SOX6: variants seen among roughly 807,000 people sequenced by gnomAD.
SOX6 encodes the protein transcription factor SOX-6.
SOX6 carries 11 observed loss-of-function variants against 97.8 expected under a neutral mutation model. That is an observed-to-expected ratio of 0.11 (90% CI 0.07 to 0.19). The LOEUF is 0.19. Among genes scored for constraint, SOX6 ranks in the 10% least tolerant of loss-of-function variants. The pLI is 1.00. For missense variants in SOX6, 810 were observed against 1,039.5 expected (o/e 0.78, Z 3.04); for synonymous variants, 360 against 371.4 (o/e 0.97, Z 0.35).
chr11:16,082,961 T>C (rs1287311672), intron 9 of SOX6, among the ~76,000 whole-genome samples: 4 of 152,196 alleles, frequency 2.6e-5, no homozygotes, highest in Admixed American at 6.5e-5. Context: ...GTGCTGTCTA[T>C]TGCTTCTACA....
At chr11:16,688,884 A>C (rs1847989645) in intron 3 of SOX6, among the ~76,000 whole-genome samples, 1 of 152,204 alleles carries the variant, frequency 6.6e-6, no homozygotes, top group East Asian at 1.9e-4. Flanking sequence ...CTGTGTTCTA[A>C]GAAAAAGTTA....
At chr11:16,228,778 A>G (rs1852759467) in intron 4 of SOX6, among the ~76,000 whole-genome samples, 1 of 152,166 alleles carries the variant, frequency 6.6e-6, no homozygotes, top group African/African-American at 2.4e-5. Flanking sequence ...TGTCCACCTT[A>G]CATATAGACA....
intron 6 of SOX6, among the ~76,000 whole-genome samples, chr11:16,156,319 T>C (rs1477934609): frequency 1.3e-5 from 2 of 152,126 alleles, no homozygotes; most frequent in East Asian, 3.9e-4. Flanking sequence ...CTTCTTAATC[T>C]CCATCACATG....
chr11:16,130,536 A>C (rs1261460629), intron 6 of SOX6, among the ~76,000 whole-genome samples: 1 of 152,016 alleles, frequency 6.6e-6, no homozygotes, highest in Non-Finnish European at 1.5e-5. Context: ...CATTCATGGA[A>C]TGAAAGACTC....
At chr11:16,093,255 C>A (rs1848729308) in intron 9 of SOX6, among the ~76,000 whole-genome samples, 1 of 151,920 alleles carries the variant, frequency 6.6e-6, no homozygotes, top group Admixed American at 6.6e-5. Flanking sequence ...ATCTGCTGAA[C>A]TGTTCAACTA....
At chr11:16,211,372 C>G (rs1852224461) in intron 4 of SOX6, among the ~76,000 whole-genome samples, 1 of 150,952 alleles carries the variant, frequency 6.6e-6, no homozygotes, top group South Asian at 2.1e-4. Flanking sequence ...GAGGCTTTTA[C>G]AATAATCCAA....
chr11:16,592,811 C>T (rs966404099), intron 4 of SOX6, among the ~76,000 whole-genome samples: 2 of 152,090 alleles, frequency 1.3e-5, no homozygotes, highest in East Asian at 1.9e-4. Flanking sequence ...TGCAAAAGAA[C>T]GTGGCAAGGC....
intron 8 of SOX6, 58 bp downstream of exon 8, chr11:16,097,551 A>G: frequency 1.4e-6 from 2 of 1,423,020 alleles, no homozygotes; most frequent in Non-Finnish European, 2.0e-6. Flanking sequence ...ACAGCTGGTT[A>G]GCAGTTTTCC....
At chr11:16,264,723 G>C (rs138942934) in intron 3 of SOX6, 8 of 151,558 alleles carry the variant, frequency 5.3e-5, no homozygotes, top group African/African-American at 1.9e-4. Context: ...CTTGACAGAA[G>C]AATGTGTTTC....
intron 4 of SOX6, among the ~76,000 whole-genome samples, chr11:16,507,188 T>C (rs1860802770): frequency 6.6e-6 from 1 of 152,158 alleles, no homozygotes; most frequent in Admixed American, 6.6e-5. Flanking sequence ...TCCACCATGA[T>C]TGTAAGCTTC....
chr11:16,065,906 G>A (rs1848083377), intron 9 of SOX6, among the ~76,000 whole-genome samples: 1 of 152,014 alleles, frequency 6.6e-6, no homozygotes, highest in Non-Finnish European at 1.5e-5. Flanking sequence ...AGCAAAAATG[G>A]ACAAATAGAA....
At chr11:16,273,752 A>G (rs2134233079) in intron 3 of SOX6, among the ~76,000 whole-genome samples, 1 of 152,196 alleles carries the variant, frequency 6.6e-6, no homozygotes, top group East Asian at 1.9e-4. Flanking sequence ...TGTTATAGAA[A>G]TTTGGGAATA....
At chr11:16,131,698 A>C (rs1380150110) in intron 6 of SOX6, among the ~76,000 whole-genome samples, 1 of 152,122 alleles carries the variant, frequency 6.6e-6, no homozygotes, top group African/African-American at 2.4e-5. Context: ...GGAAGGCTAA[A>C]CAAATTACAG....
At position 16,055,892 on chromosome 11, in the gene SOX6, C is replaced by T. The variant is rs560901977; in HGVS notation, c.1111G>A (p.Ala371Thr). 4 of 1,613,566 alleles carry T rather than the reference C, an allele frequency of 2.5e-6. No individual in the cohort carries two copies. Among genetic ancestry groups the T allele is most frequent in the African/African-American group, 1.3e-5 (1 of 74,982 alleles). ...YNHKQIEQLY[A>T]AQLASMQVSP... The stretch of plus-strand genomic sequence containing the variant: ...ACCTGCATGCTGGCCAGCTGAGCGG[C>T]ATAGAGCTGCTGCAAAACAGGGAAG... The change falls in exon 10 of 16, where the codon GCC becomes ACC. Residue 371 changes from alanine to threonine, a missense_variant. Transcript: ENST00000683767.
At chr11:16,036,817 T>C (rs931068691) in intron 12 of SOX6, among the ~76,000 whole-genome samples, 9 of 152,186 alleles carry the variant, frequency 5.9e-5, no homozygotes, top group African/African-American at 2.2e-4. Flanking sequence ...TGTTTTCAAG[T>C]GATCGCGTAT....
intron 3 of SOX6, among the ~76,000 whole-genome samples, chr11:16,679,126 T>C (rs988462465): frequency 6.6e-6 from 1 of 152,168 alleles, no homozygotes; most frequent in African/African-American, 2.4e-5. Flanking sequence ...AGCGTGGCAT[T>C]CGAGCTCTGA....
Position 16,586,300 on chromosome 11 carries a change from G to C in SOX6, n.609+25781C>G, listed in dbSNP as rs553624667. Among the ~76,000 whole-genome samples, 11 of 152,212 alleles carry C rather than the reference G, an allele frequency of 7.2e-5. No homozygotes were observed. In the South Asian group the frequency reaches 2.3e-3, roughly 32 times the overall value. On this transcript the variant is annotated intron_variant and non_coding_transcript_variant, in intron 4 of 5. Coordinates refer to the SOX6 transcript ENST00000524520. ...TAACATAAATTCAGAAAGAAGTTTA[G>C]AGGTAATAAGAGGTGGGGAGAAATT...
At chr11:16,054,004 T>C (rs1847751080) in intron 10 of SOX6, among the ~76,000 whole-genome samples, 2 of 152,178 alleles carry the variant, frequency 1.3e-5, no homozygotes, top group African/African-American at 2.4e-5. Context: ...AAATATTTCC[T>C]TTGTTATTAA....
In SOX6 at chr11:16,493,837, G is replaced by A. The variant is rs185170853; in HGVS notation, n.610-17449C>T. On this transcript the variant is annotated intron_variant and non_coding_transcript_variant, in intron 4 of 5. Coordinates refer to the SOX6 transcript ENST00000524520. ...GAGTACAAATTGACACAGCAGCTAC[G>A]AAAGGCAATTTGATAATATTTATTT... 1.1e-3 allele frequency among the ~76,000 whole-genome samples: 175 copies of A among 152,194 alleles called. 1 individual carries two copies. Among genetic ancestry groups the A allele is most frequent in the African/African-American group, 3.8e-3 (159 of 41,506 alleles).
Sources: gnomAD v4.1 joint callset for allele counts (sites outside exome capture counted in the v4.1 genomes callset) on GRCh38, gnomAD v4.1.1 for gene constraint, MANE v1.5 for transcripts, NCBI Gene and HGNC (gene_info 2026-07-23, HGNC 2026-07-21) for gene names.